Variants in ADAMTS2 observed in about 807,000 individuals in gnomAD.
ADAMTS2 encodes the protein ADAM metallopeptidase with thrombospondin type 1 motif 2.
In ADAMTS2, 50 loss-of-function variants were observed where a neutral mutation model predicts 123.0. The ratio of observed to expected loss-of-function variants is 0.41; its 90% CI spans 0.32 to 0.51. The LOEUF (loss-of-function observed/expected upper bound fraction) is 0.51, where lower values mean the gene tolerates loss of function less well. Ranked by LOEUF, ADAMTS2 falls within the 20% of genes least tolerant of loss-of-function variation. The probability of loss-of-function intolerance (pLI) is 0.35; values close to 1 mark genes in which losing one functional copy is unlikely to be tolerated. For missense variants in ADAMTS2, 1,494 were observed against 1,705.2 expected (o/e 0.88, Z 2.18); for synonymous variants, 678 against 695.4 (o/e 0.98, Z 0.39).
Position 179,155,280 on chromosome 5 carries a change from G to T in ADAMTS2, c.1133-361C>A, listed in dbSNP as rs941472803. On this transcript the variant is annotated intron_variant, in intron 6 of 21. Transcript: ENST00000251582. This position sits in a 1 kb window ranked among gnomAD's most constrained non-coding sequence, Gnocchi z 5.1. ...CGCCACCTGCCTCTGCCCCCTGCCTGCCTCACTGAGTGGCCCCTGAGCAGC... is the reference window on the plus strand; with the variant it reads ...CGCCACCTGCCTCTGCCCCCTGCCTTCCTCACTGAGTGGCCCCTGAGCAGC... Among the ~76,000 whole-genome samples, 1 of 152,188 alleles carries T rather than the reference G, an allele frequency of 6.6e-6. No homozygotes were observed. Among genetic ancestry groups the T allele is most frequent in the African/African-American group, 2.4e-5 (1 of 41,442 alleles).
chr5:179,302,484 G>A (rs184931329), intron 2 of ADAMTS2, among the ~76,000 whole-genome samples: 10 of 151,872 alleles, frequency 6.6e-5, no homozygotes, highest in Admixed American at 3.3e-4. Context: ...CTCCTCCTGG[G>A]GGTCCTCTGG....
At chr5:179,208,144 C>CTGCCTTACGCTGGAGTGGGCAGAGCCA (rs1184640241) in intron 3 of ADAMTS2, among the ~76,000 whole-genome samples, 1 of 54,640 alleles carries the variant, frequency 1.8e-5, no homozygotes, top group Non-Finnish European at 3.4e-5. Context: ...GGCAGAGCCA[C>CTGCCTTACGCTGGAGTGGGCAGAGCCA]CCCTTGCCCA....
At chr5:179,318,379 C>T (rs557035221) in intron 2 of ADAMTS2, among the ~76,000 whole-genome samples, 6 of 151,530 alleles carry the variant, frequency 4.0e-5, no homozygotes, top group Non-Finnish European at 5.9e-5. Context: ...GGAGGAGAGG[C>T]GGGGCCAGCT....
chr5:179,219,363 C>T (rs1031068411), intron 3 of ADAMTS2, among the ~76,000 whole-genome samples: 9 of 152,188 alleles, frequency 5.9e-5, no homozygotes, highest in Middle Eastern at 3.2e-3. Context: ...CTTGCAACCA[C>T]GAGAGTCCTG....
intron 3 of ADAMTS2, among the ~76,000 whole-genome samples, chr5:179,270,340 G>A (rs1304355330): frequency 1.3e-5 from 2 of 152,130 alleles, no homozygotes; most frequent in African/African-American, 4.8e-5. Context: ...ACCCAGGGCA[G>A]GTGTGTCACC....
In ADAMTS2 at chr5:179,260,031, T is replaced by C. The variant is rs775390495; in HGVS notation, c.688+12880A>G. On this transcript the variant is annotated intron_variant, in intron 3 of 21. Transcript: ENST00000251582. This position sits in a 1 kb window ranked among gnomAD's most constrained non-coding sequence, Gnocchi z 4.2. ...GAATGACAGAGTGTTAAAGTGGGCA[T>C]AGGGCCCTGCCGGATGGGTCACAAG... Among the ~76,000 whole-genome samples, 1 of 152,190 alleles carries C rather than the reference T, an allele frequency of 6.6e-6. No individual in the cohort carries two copies. The highest frequency in any genetic ancestry group is 1.5e-5 in the Non-Finnish European group (1 of 68,038).
intron 3 of ADAMTS2, among the ~76,000 whole-genome samples, chr5:179,223,520 TCA>T (rs773726654): frequency 0.048 from 6,628 of 138,898 alleles, 496 homozygotes; most frequent in African/African-American, 0.16. Context: ...ACGAATGCAC[TCA>T]CACACATGCA....
At position 179,162,191 on chromosome 5, in the gene ADAMTS2, C is replaced by T. The variant is rs1310334065; in HGVS notation, c.976-3312G>A. On this transcript the variant is annotated intron_variant, in intron 5 of 21. Coordinates refer to ENST00000251582, the MANE Select transcript of ADAMTS2 (RefSeq NM_014244.5). This position sits in a 1 kb window ranked among gnomAD's most constrained non-coding sequence, Gnocchi z 5.1. The stretch of plus-strand genomic sequence containing the variant: ...CCTGGTGGGTTGCGGTGACTTCTGC[C>T]TGCCCTTGTTTCCCTTTCGTGAAAC... Among the ~76,000 whole-genome samples, 1 of 152,196 alleles carries T rather than the reference C, an allele frequency of 6.6e-6. No individual in the cohort carries two copies. Among genetic ancestry groups the T allele is most frequent in the Non-Finnish European group, 1.5e-5 (1 of 68,036 alleles).
intron 3 of ADAMTS2, among the ~76,000 whole-genome samples, chr5:179,208,900 G>T (rs1272396947): frequency 6.6e-6 from 1 of 152,164 alleles, no homozygotes. Flanking sequence ...CTGACCCACA[G>T]GGCGGTGGCC....
intron 5 of ADAMTS2, among the ~76,000 whole-genome samples, chr5:179,164,095 G>C (rs1398400952): frequency 6.6e-6 from 1 of 152,174 alleles, no homozygotes; most frequent in Non-Finnish European, 1.5e-5. Context: ...GGCACCCCAG[G>C]ACTCAACCTG....
intron 2 of ADAMTS2, among the ~76,000 whole-genome samples, chr5:179,341,584 G>A (rs578248080): frequency 9.9e-5 from 15 of 152,136 alleles, no homozygotes; most frequent in African/African-American, 3.6e-4. Flanking sequence ...GTGGTGGCAG[G>A]CGCCTGTAGT....
chr5:179,333,749 GCCA>G (rs1757539529), intron 2 of ADAMTS2, among the ~76,000 whole-genome samples: 1 of 151,972 alleles, frequency 6.6e-6, no homozygotes, highest in Non-Finnish European at 1.5e-5. Flanking sequence ...ACAGGCGTGT[GCCA>G]CCATGCCCAG....
intron 13 of ADAMTS2, 128 bp downstream of exon 13, chr5:179,135,781 G>A: frequency 1.4e-6 from 2 of 1,406,874 alleles, no homozygotes; most frequent in Non-Finnish European, 1.9e-6. Flanking sequence ...CCTGGTCCGG[G>A]CATTGTTTCT....
rs1764586715 is a variant in ADAMTS2 at position 179,202,299 on chromosome 5, A to C, written c.891+5214T>G. Among the ~76,000 whole-genome samples the C allele has an allele frequency of 6.6e-6, 1 of 151,644 alleles. No homozygotes were observed. The highest frequency in any genetic ancestry group is 6.6e-5 in the Admixed American group (1 of 15,218). On this transcript the variant is annotated intron_variant, in intron 4 of 21. Coordinates refer to ENST00000251582, the MANE Select transcript of ADAMTS2 (RefSeq NM_014244.5). This position sits in a 1 kb window ranked among gnomAD's most constrained non-coding sequence, Gnocchi z 4.0. Reference sequence around the variant, plus strand: ...TTGGCGCCGCCTGCCCCCTCCCCCAAACCTGGAACAGGCGATCCCTATCCT... The same window carrying C: ...TTGGCGCCGCCTGCCCCCTCCCCCACACCTGGAACAGGCGATCCCTATCCT...
chr5:179,125,204 G>A (rs747084539), intron 18 of ADAMTS2, 24 bp from the exon 19 acceptor site: 73 of 1,608,718 alleles, frequency 4.5e-5, no homozygotes, highest in Non-Finnish European at 6.2e-5. Context: ...GCGGGGCACA[G>A]TCAGGCTTCC....
intron 3 of ADAMTS2, among the ~76,000 whole-genome samples, chr5:179,213,526 C>T (rs866838415): frequency 1.2e-4 from 19 of 152,162 alleles, no homozygotes; most frequent in South Asian, 6.2e-4. Context: ...CCAGCAGAGG[C>T]GAGCTGGGGG....
At chr5:179,120,788 G>A (rs1762744531) in intron 21 of ADAMTS2, 1 of 152,204 alleles carries the variant, frequency 6.6e-6, no homozygotes, top group African/African-American at 2.4e-5. Flanking sequence ...GTCTGCACTT[G>A]GAAACCTCAA....
intron 2 of ADAMTS2, among the ~76,000 whole-genome samples, chr5:179,298,740 T>G (rs1279667596): frequency 6.6e-6 from 1 of 152,058 alleles, no homozygotes; most frequent in Non-Finnish European, 1.5e-5. Context: ...CTGCGCTGGT[T>G]AGGGGTGGGG....
rs1765694290 is a variant in ADAMTS2 at position 179,242,657 on chromosome 5, T to C, written c.688+30254A>G. ...GCAAGAATCGGTGGCACCTGAGCCATCACTTGCTCTCTCTTCCCCGCTTCT... is the reference window on the plus strand; with the variant it reads ...GCAAGAATCGGTGGCACCTGAGCCACCACTTGCTCTCTCTTCCCCGCTTCT... On this transcript the variant is annotated intron_variant, in intron 3 of 21. Transcript: ENST00000251582. The surrounding 1 kb of genome is among the most constrained non-coding windows in gnomAD (Gnocchi z 4.2). 6.6e-6 allele frequency among the ~76,000 whole-genome samples: 1 copy of C among 152,216 alleles called. No individual in the cohort carries two copies. Among genetic ancestry groups the C allele is most frequent in the South Asian group, 2.1e-4 (1 of 4,832 alleles).
Sources: gnomAD v4.1 joint callset for allele counts (sites outside exome capture counted in the v4.1 genomes callset) on GRCh38, gnomAD v4.1.1 for gene constraint, Gnocchi (gnomAD v3.1) non-coding constraint, MANE v1.5 for transcripts, NCBI Gene and HGNC (gene_info 2026-07-23, HGNC 2026-07-21) for gene names.